GUCY1A2: variants seen among roughly 807,000 people sequenced by gnomAD.
GUCY1A2 encodes guanylate cyclase 1 soluble subunit alpha 2.
Under a neutral mutation model 63.5 loss-of-function variants are expected in GUCY1A2, and 27 were observed. That is an observed-to-expected ratio of 0.43 (90% CI 0.31 to 0.59). The LOEUF (loss-of-function observed/expected upper bound fraction) is 0.59. Among genes scored for constraint, GUCY1A2 ranks in the 20% least tolerant of loss-of-function variants. The pLI, the probability that GUCY1A2 is intolerant of heterozygous loss-of-function variation, is 0.11. For synonymous variants in GUCY1A2, 364 were observed against 343.5 expected, an observed-to-expected ratio of 1.06 and a Z score of -0.66; for missense variants, 768 against 913.3, an observed-to-expected ratio of 0.84 and a Z score of 2.05.
chr11:106,948,701 T>C (rs886215671), intron 3 of GUCY1A2, among the ~76,000 whole-genome samples: 7 of 152,104 alleles, frequency 4.6e-5, no homozygotes, highest in African/African-American at 2.4e-5. Flanking sequence ...AGTAAACACA[T>C]TGCAAAAAAG....
At chr11:106,737,744 T>C (rs957710713) in intron 6 of GUCY1A2, among the ~76,000 whole-genome samples, 1 of 152,190 alleles carries the variant, frequency 6.6e-6, no homozygotes, top group Non-Finnish European at 1.5e-5. Context: ...TTTTTTATGG[T>C]TGCATAGTAT....
intron 4 of GUCY1A2, among the ~76,000 whole-genome samples, chr11:106,929,547 A>G (rs1436203691): frequency 6.6e-6 from 1 of 152,228 alleles, no homozygotes; most frequent in East Asian, 1.9e-4. Context: ...CAAAATGTTT[A>G]TAATATGGAT....
intron 4 of GUCY1A2, among the ~76,000 whole-genome samples, chr11:106,818,409 C>T (rs940469775): frequency 6.6e-6 from 1 of 152,072 alleles, no homozygotes; most frequent in African/African-American, 2.4e-5. Flanking sequence ...AAACCACACC[C>T]GTATAAGACA....
intron 7 of GUCY1A2, among the ~76,000 whole-genome samples, chr11:106,705,654 A>C (rs1862895286): frequency 6.6e-6 from 1 of 152,032 alleles, no homozygotes; most frequent in East Asian, 1.9e-4. Context: ...AGGTCAGGAG[A>C]TGGAGACCAT....
intron 5 of GUCY1A2, among the ~76,000 whole-genome samples, chr11:106,784,296 T>A (rs940447814): frequency 2.6e-5 from 4 of 152,088 alleles, no homozygotes; most frequent in African/African-American, 9.7e-5. Flanking sequence ...TAGGTTATTC[T>A]CCCAGTATTT....
intron 3 of GUCY1A2, among the ~76,000 whole-genome samples, chr11:106,950,539 T>A (rs1373661677): frequency 2.0e-5 from 3 of 152,194 alleles, no homozygotes; most frequent in African/African-American, 7.2e-5. Flanking sequence ...AGTATTCTCA[T>A]CACTTCTCAC....
chr11:107,001,298 T>C (rs1211166677), intron 1 of GUCY1A2, among the ~76,000 whole-genome samples: 1 of 152,224 alleles, frequency 6.6e-6, no homozygotes, highest in African/African-American at 2.4e-5. Context: ...ATCTGCTTAA[T>C]AAAATACTAT....
intron 7 of GUCY1A2, among the ~76,000 whole-genome samples, chr11:106,698,260 T>C (rs1460786481): frequency 6.7e-6 from 1 of 150,276 alleles, no homozygotes; most frequent in Non-Finnish European, 1.5e-5. Flanking sequence ...ACTGAGACTT[T>C]AGGCACATGC....
intron 3 of GUCY1A2, among the ~76,000 whole-genome samples, chr11:106,972,182 G>A (rs1861204341): frequency 6.6e-6 from 1 of 152,054 alleles, no homozygotes; most frequent in African/African-American, 2.4e-5. Flanking sequence ...TAAAAACTAA[G>A]GATATTGAAA....
chr11:106,817,019 T>G (rs1858841468), intron 4 of GUCY1A2, among the ~76,000 whole-genome samples: 1 of 152,060 alleles, frequency 6.6e-6, no homozygotes, highest in Non-Finnish European at 1.5e-5. Context: ...AACAACTATT[T>G]GAAAAAGAAT....
At chr11:106,801,334 GT>G (rs1170727680) in intron 5 of GUCY1A2, among the ~76,000 whole-genome samples, 2 of 151,868 alleles carry the variant, frequency 1.3e-5, no homozygotes, top group Non-Finnish European at 2.9e-5. Context: ...ACATACTATT[GT>G]TTTCATTTTA....
intron 3 of GUCY1A2, among the ~76,000 whole-genome samples, chr11:106,940,880 T>C (rs887361370): frequency 6.6e-6 from 1 of 152,194 alleles, no homozygotes; most frequent in African/African-American, 2.4e-5. Flanking sequence ...CCAAGTTGCC[T>C]ACATATTATG....
chr11:106,716,889 C>T (rs1412548752), intron 6 of GUCY1A2, among the ~76,000 whole-genome samples: 2 of 151,670 alleles, frequency 1.3e-5, no homozygotes, highest in Non-Finnish European at 2.9e-5. Context: ...CACGGTACAG[C>T]GTTCTAGTGA....
chr11:107,017,847 G>A lies in GUCY1A2; in HGVS notation c.209C>T (p.Ala70Val). The A allele has an allele frequency of 4.0e-6, 5 of 1,259,620 alleles. No individual in the cohort carries two copies. Among genetic ancestry groups the A allele is most frequent in the Non-Finnish European group, 5.0e-6 (5 of 1,002,860 alleles). The allele number at this position is 1,259,620 out of a possible 1,614,324, so 78.0% of individuals were successfully genotyped here. A position where few individuals can be genotyped will look rare whatever the true frequency, so the allele number is the denominator to read the frequency against. ...CCTCCTGGCCCCGGCAGTGGCAGCG[G>A]CGGCGGCGGCAGAAGCAGCCGGGGT... is the stretch of plus-strand genomic sequence containing the variant. ...APTPAASAAA[A>V]AATAGARRVQ... Residue 70 changes from alanine (A) to valine (V), a missense_variant, in exon 1 of 8, where the codon GCC becomes GTC. This residue lies in a region of GUCY1A2 where 496 missense variants were observed against 486.9 expected (regional missense o/e 1.02). Transcript: ENST00000526355.
At chr11:106,854,402 T>C (rs1859398613) in intron 4 of GUCY1A2, among the ~76,000 whole-genome samples, 1 of 152,112 alleles carries the variant, frequency 6.6e-6, no homozygotes, top group Non-Finnish European at 1.5e-5. Flanking sequence ...GTAGTGACCA[T>C]GACAGCAGAT....
intron 4 of GUCY1A2, among the ~76,000 whole-genome samples, chr11:106,853,086 T>C (rs1859377933): frequency 6.6e-6 from 1 of 152,198 alleles, no homozygotes; most frequent in South Asian, 2.1e-4. Context: ...CTTTTACTGT[T>C]GCCTGTTTGA....
intron 6 of GUCY1A2, among the ~76,000 whole-genome samples, chr11:106,752,922 G>T (rs1449736430): frequency 6.6e-6 from 1 of 152,110 alleles, no homozygotes; most frequent in Non-Finnish European, 1.5e-5. Context: ...CTAGATCCTT[G>T]AGGAATCACC....
intron 4 of GUCY1A2, among the ~76,000 whole-genome samples, chr11:106,852,358 G>A (rs1208771215): frequency 6.6e-6 from 1 of 152,046 alleles, no homozygotes; most frequent in African/African-American, 2.4e-5. Flanking sequence ...TTGAATAAGA[G>A]TGGTGAAAGC....
At chr11:106,818,036 C>T (rs1187544119) in intron 4 of GUCY1A2, among the ~76,000 whole-genome samples, 1 of 152,074 alleles carries the variant, frequency 6.6e-6, no homozygotes, top group African/African-American at 2.4e-5. Context: ...ATCTGCACCC[C>T]ATGTTCACTG....
Sources: allele counts gnomAD v4.1 joint callset (sites outside exome capture counted in the v4.1 genomes callset), GRCh38; gene constraint gnomAD v4.1.1; regional missense constraint gnomAD v4.1.1; transcripts MANE v1.5; gene names NCBI Gene and HGNC (gene_info 2026-07-23, HGNC 2026-07-21).